ARHGAP24: variants seen among roughly 807,000 people sequenced by gnomAD.
The protein encoded by ARHGAP24 is rho GTPase-activating protein 24.
ARHGAP24 carries 50 observed loss-of-function variants against 76.4 expected under a neutral mutation model. That is an observed-to-expected ratio of 0.65 (90% CI 0.52 to 0.83). The LOEUF (loss-of-function observed/expected upper bound fraction) is 0.83. Ranked by LOEUF, ARHGAP24 falls within the 40% of genes least tolerant of loss-of-function variation. ARHGAP24 has a pLI of 0.00. For missense variants in ARHGAP24, 930 were observed against 914.2 expected, an observed-to-expected ratio of 1.02 and a Z score of -0.22; for synonymous variants, 345 against 323.3, an observed-to-expected ratio of 1.07 and a Z score of -0.72.
chr4:85,535,856 A>G (rs1725448095), intron 1 of ARHGAP24, among the ~76,000 whole-genome samples: 1 of 152,044 alleles, frequency 6.6e-6, no homozygotes, highest in South Asian at 2.1e-4. Flanking sequence ...TTGCTAGTTC[A>G]TTCTCATTAG....
At chr4:85,485,849 C>T (rs1184110093) in intron 1 of ARHGAP24, among the ~76,000 whole-genome samples, 1 of 151,668 alleles carries the variant, frequency 6.6e-6, no homozygotes, top group Non-Finnish European at 1.5e-5. Context: ...TCTCTTGCCT[C>T]AGCCTCCCGA....
intron 2 of ARHGAP24, among the ~76,000 whole-genome samples, chr4:85,575,309 A>G (rs569113855): frequency 6.6e-6 from 1 of 152,194 alleles, no homozygotes; most frequent in South Asian, 2.1e-4. Flanking sequence ...CATTTTTGAA[A>G]GTACATTAAT....
chr4:85,682,535 T>G (rs1201505467), intron 2 of ARHGAP24, among the ~76,000 whole-genome samples: 1 of 152,172 alleles, frequency 6.6e-6, no homozygotes, highest in Non-Finnish European at 1.5e-5. Context: ...AACAGCATTG[T>G]TTTGGGAGCC....
rs188043397 is a variant in ARHGAP24, at chr4:85,702,060, A to G, written c.181-19825A>G. Among the ~76,000 whole-genome samples the G allele has an allele frequency of 2.4e-4, 37 of 151,790 alleles. No individual in the cohort carries two copies. In the Middle Eastern group the frequency reaches 0.01, roughly 42 times the overall value. ...TCTTCTGAAAGGTTGTTTCATCTCT[A>G]CTCCATTCCTATCAGCCTATGAATG... is the stretch of plus-strand genomic sequence containing the variant. On this transcript the variant is annotated intron_variant, in intron 2 of 9. Coordinates refer to ENST00000395184, the MANE Select transcript of ARHGAP24 (RefSeq NM_001025616.3).
At chr4:85,533,284 G>A (rs957861154) in intron 1 of ARHGAP24, among the ~76,000 whole-genome samples, 5 of 152,118 alleles carry the variant, frequency 3.3e-5, no homozygotes, top group Non-Finnish European at 5.9e-5. Context: ...TGTAATTGTT[G>A]TTAATTTTGT....
intron 2 of ARHGAP24, among the ~76,000 whole-genome samples, chr4:85,590,005 C>T (rs564864532): frequency 1.7e-3 from 252 of 152,132 alleles, no homozygotes; most frequent in Non-Finnish European, 3.1e-3. Context: ...TTAGATTATC[C>T]CTCTTTTAGA....
chr4:85,989,264 C>T (rs550812769), intron 8 of ARHGAP24, among the ~76,000 whole-genome samples: 1 of 151,662 alleles, frequency 6.6e-6, no homozygotes, highest in Admixed American at 6.6e-5. Context: ...TTATGAACAA[C>T]TTTTTGCCAA....
intron 3 of ARHGAP24, among the ~76,000 whole-genome samples, chr4:85,825,096 AC>A (rs1207591661): frequency 6.6e-6 from 1 of 152,094 alleles, no homozygotes; most frequent in African/African-American, 2.4e-5. Context: ...TCTCAAAAAA[AC>A]GAAACGAAAC....
At chr4:85,784,547 T>C (rs1208443905) in intron 3 of ARHGAP24, among the ~76,000 whole-genome samples, 1 of 152,004 alleles carries the variant, frequency 6.6e-6, no homozygotes, top group East Asian at 1.9e-4. Flanking sequence ...GATCTTCAGC[T>C]TGGCAGCAAA....
chr4:85,705,553 G>A (rs1724280665), intron 2 of ARHGAP24, among the ~76,000 whole-genome samples: 1 of 152,180 alleles, frequency 6.6e-6, no homozygotes, highest in Non-Finnish European at 1.5e-5. Context: ...AGATAGGGAA[G>A]GTTATAGTCC....
At chr4:85,623,070 T>G (rs187071068) in intron 2 of ARHGAP24, among the ~76,000 whole-genome samples, 1 of 152,368 alleles carries the variant, frequency 6.6e-6, no homozygotes, top group Non-Finnish European at 1.5e-5. Context: ...TCATGTAGTT[T>G]CTTTTGCTGT....
intron 3 of ARHGAP24, among the ~76,000 whole-genome samples, chr4:85,833,892 A>G (rs1359003536): frequency 6.6e-6 from 1 of 152,222 alleles, no homozygotes; most frequent in East Asian, 1.9e-4. Context: ...TACATTAGTT[A>G]AGAACACAGG....
chr4:85,895,964 A>G (rs983095279), intron 3 of ARHGAP24, among the ~76,000 whole-genome samples: 1 of 152,212 alleles, frequency 6.6e-6, no homozygotes, highest in African/African-American at 2.4e-5. Flanking sequence ...GTAGTGATCA[A>G]TTACGTTAAT....
At chr4:85,507,399 A>G (rs1724104442) in intron 1 of ARHGAP24, among the ~76,000 whole-genome samples, 1 of 152,136 alleles carries the variant, frequency 6.6e-6, no homozygotes, top group African/African-American at 2.4e-5. Flanking sequence ...ATTCACTGGT[A>G]TGTGGACTCT....
intron 3 of ARHGAP24, among the ~76,000 whole-genome samples, chr4:85,762,655 T>A (rs1039031928): frequency 1.3e-5 from 2 of 152,182 alleles, no homozygotes; most frequent in African/African-American, 4.8e-5. Context: ...CAAGGTCACA[T>A]AGCCCATGAG....
intron 3 of ARHGAP24, among the ~76,000 whole-genome samples, chr4:85,790,208 C>T (rs1728054801): frequency 6.6e-6 from 1 of 152,088 alleles, no homozygotes; most frequent in Non-Finnish European, 1.5e-5. Context: ...CATCTAAATG[C>T]CTTGGGAAGT....
chr4:85,724,489 G>GTATATATA (rs775766860), intron 3 of ARHGAP24, among the ~76,000 whole-genome samples: 12 of 131,482 alleles, frequency 9.1e-5, no homozygotes, highest in African/African-American at 3.3e-4. Context: ...TTTTCCATGT[G>GTATATATA]TGTATATATA....
intron 1 of ARHGAP24, among the ~76,000 whole-genome samples, chr4:85,487,944 C>T (rs1258898013): frequency 2.8e-5 from 4 of 142,638 alleles, no homozygotes; most frequent in East Asian, 2.0e-4. Flanking sequence ...CTTGCTCTGT[C>T]GCCCGGGCTG....
chr4:85,770,538 T>C (rs1727094334), intron 3 of ARHGAP24, among the ~76,000 whole-genome samples: 2 of 152,206 alleles, frequency 1.3e-5, no homozygotes, highest in Non-Finnish European at 2.9e-5. Flanking sequence ...ACAACAGATA[T>C]CCTCTCAATC....
Sources: gnomAD v4.1 joint callset for allele counts (sites outside exome capture counted in the v4.1 genomes callset) on GRCh38, gnomAD v4.1.1 for gene constraint, MANE v1.5 for transcripts, NCBI Gene and HGNC (gene_info 2026-07-23, HGNC 2026-07-21) for gene names.